Variants in TMEM117 observed in about 807,000 individuals in gnomAD.
The protein encoded by TMEM117 is transmembrane protein 117.
A neutral mutation model predicts 52.4 loss-of-function variants in TMEM117; 27 were observed. The observed-to-expected ratio is 0.51, with a 90% CI of 0.38 to 0.71. TMEM117 has a LOEUF of 0.71. Ranked by LOEUF, TMEM117 falls within the 30% of genes least tolerant of loss-of-function variation. TMEM117 has a pLI of 0.00. For synonymous variants in TMEM117, 215 were observed against 206.3 expected (o/e 1.04, Z -0.36); for missense variants, 556 against 630.5 (o/e 0.88, Z 1.26).
At chr12:43,978,101 G>A (rs539941452) in intron 3 of TMEM117, among the ~76,000 whole-genome samples, 1 of 152,264 alleles carries the variant, frequency 6.6e-6, no homozygotes, top group Admixed American at 6.5e-5. Context: ...TGGGTAAGTT[G>A]AAATTGTTCA....
chr12:44,172,451 C>G (rs1253554213), intron 4 of TMEM117, among the ~76,000 whole-genome samples: 1 of 152,176 alleles, frequency 6.6e-6, no homozygotes, highest in Non-Finnish European at 1.5e-5. Flanking sequence ...CTGTGTGTCT[C>G]TGTGTCTTTA....
chr12:44,304,033 A>G (rs1159021930), intron 6 of TMEM117, among the ~76,000 whole-genome samples: 1 of 152,234 alleles, frequency 6.6e-6, no homozygotes, highest in Non-Finnish European at 1.5e-5. Context: ...CCTCCATAAG[A>G]ACCAAAAATC....
At chr12:43,808,662 T>G in the TMEM117 span, among the ~76,000 whole-genome samples, 1 of 151,692 alleles carries the variant, frequency 6.6e-6, no homozygotes, top group Non-Finnish European at 1.5e-5. Flanking sequence ...GAGCTACTAC[T>G]AGGCCAAGTG....
At chr12:44,291,854 G>C (rs766427692) in intron 5 of TMEM117, among the ~76,000 whole-genome samples, 1 of 151,674 alleles carries the variant, frequency 6.6e-6, no homozygotes, top group Non-Finnish European at 1.5e-5. Context: ...ATTTGATCAT[G>C]GTATTCTTTT....
chr12:43,959,047 T>TCCGC (rs1945358138), intron 3 of TMEM117, among the ~76,000 whole-genome samples: 1 of 152,078 alleles, frequency 6.6e-6, no homozygotes, highest in Non-Finnish European at 1.5e-5. Context: ...GACCTCGTGA[T>TCCGC]CCGCCCGCCT....
intron 2 of TMEM117, among the ~76,000 whole-genome samples, chr12:43,869,615 C>T (rs888327861): frequency 6.6e-6 from 1 of 152,154 alleles, no homozygotes; most frequent in African/African-American, 2.4e-5. Flanking sequence ...CTGTGTATGC[C>T]GAATAGAAAA....
chr12:44,121,049 A>G (rs969371442), intron 3 of TMEM117, among the ~76,000 whole-genome samples: 3 of 152,200 alleles, frequency 2.0e-5, no homozygotes, highest in African/African-American at 7.2e-5. Context: ...CACGTGTTAC[A>G]TGGTGGCAGG....
intron 5 of TMEM117, among the ~76,000 whole-genome samples, chr12:44,262,967 C>T (rs1316298571): frequency 6.6e-6 from 1 of 152,196 alleles, no homozygotes; most frequent in Non-Finnish European, 1.5e-5. Context: ...AAAATTCTCA[C>T]AACCAGACTT....
In TMEM117 at chr12:44,089,047, T is replaced by A. The variant is rs183965703; in HGVS notation, c.411-54478T>A. 9.8e-5 allele frequency among the ~76,000 whole-genome samples: 15 copies of A among 152,328 alleles called. No individual in the cohort carries two copies. The East Asian group carries it at 2.9e-3, about 29-fold the overall frequency. ...CAAAAGGGACCTGGTCAAATGTCAT[T>A]CTTTTTCTCTGTTGCTGCTCAGGGC... is the stretch of plus-strand genomic sequence containing the variant. On this transcript the variant is annotated intron_variant, in intron 3 of 7. Coordinates refer to ENST00000266534, the MANE Select transcript of TMEM117 (RefSeq NM_032256.3).
At chr12:44,005,794 C>T (rs143705284) in intron 3 of TMEM117, among the ~76,000 whole-genome samples, 2 of 152,162 alleles carry the variant, frequency 1.3e-5, no homozygotes, top group Non-Finnish European at 2.9e-5. Flanking sequence ...ATAATGGGGG[C>T]GGGTCTTTAC....
At chr12:44,332,564 C>T (rs1175040225) in intron 6 of TMEM117, among the ~76,000 whole-genome samples, 2 of 152,002 alleles carry the variant, frequency 1.3e-5, no homozygotes, top group African/African-American at 2.4e-5. Context: ...TTCTCAAGCA[C>T]TGTGAGAGTT....
intron 5 of TMEM117, among the ~76,000 whole-genome samples, chr12:44,246,281 G>C (rs998785234): frequency 1.3e-5 from 2 of 151,770 alleles, no homozygotes; most frequent in African/African-American, 4.8e-5. Context: ...AGATATTCTG[G>C]GTTTTATTTT....
At chr12:44,105,623 A>G (rs1436028860) in intron 3 of TMEM117, among the ~76,000 whole-genome samples, 1 of 152,004 alleles carries the variant, frequency 6.6e-6, no homozygotes, top group African/African-American at 2.4e-5. Context: ...CCCTATGGTT[A>G]GGTCTCAGTG....
intron 2 of TMEM117, 148 bp from the exon 3 acceptor site, chr12:43,944,062 C>T (rs1448947395): frequency 4.6e-5 from 28 of 611,070 alleles, no homozygotes; most frequent in Non-Finnish European, 7.6e-5. Flanking sequence ...GCAAAAAGAA[C>T]ATTATATTGT....
At chr12:44,059,653 G>T (rs1947108921) in intron 3 of TMEM117, among the ~76,000 whole-genome samples, 1 of 152,154 alleles carries the variant, frequency 6.6e-6, no homozygotes, top group South Asian at 2.1e-4. Context: ...TCTCTGACAG[G>T]CAAGGGCTTA....
chr12:43,837,044 C>A (rs529046909), intron 1 of TMEM117, among the ~76,000 whole-genome samples: 1 of 150,038 alleles, frequency 6.7e-6, no homozygotes, highest in African/African-American at 2.5e-5. Flanking sequence ...CCTGTAAACC[C>A]CATTTTTTTT....
At chr12:44,137,990 C>CT (rs1265972460) in intron 3 of TMEM117, among the ~76,000 whole-genome samples, 2 of 152,088 alleles carry the variant, frequency 1.3e-5, no homozygotes, top group Non-Finnish European at 2.9e-5. Flanking sequence ...GCTTTGCATA[C>CT]TTTATATCAT....
At chr12:44,290,491 T>C (rs554375703) in intron 5 of TMEM117, among the ~76,000 whole-genome samples, 2 of 152,332 alleles carry the variant, frequency 1.3e-5, no homozygotes, top group South Asian at 4.1e-4. Context: ...TTGTCAAAGA[T>C]TAGTTGACTG....
intron 3 of TMEM117, among the ~76,000 whole-genome samples, chr12:43,981,573 A>G (rs1945761219): frequency 1.3e-5 from 2 of 152,184 alleles, no homozygotes; most frequent in African/African-American, 4.8e-5. Context: ...ACTGCCTATC[A>G]GGGAGAATAT....
Sources: gnomAD v4.1 joint callset for allele counts (sites outside exome capture counted in the v4.1 genomes callset) on GRCh38, gnomAD v4.1.1 for gene constraint, MANE v1.5 for transcripts, NCBI Gene and HGNC (gene_info 2026-07-23, HGNC 2026-07-21) for gene names.